IARS1: variants seen among roughly 807,000 people sequenced by gnomAD.
The protein encoded by IARS1 is isoleucyl-tRNA synthetase 1.
In IARS1, 124 loss-of-function variants were observed where a neutral mutation model predicts 168.2. That is an observed-to-expected ratio of 0.74 (90% CI 0.64 to 0.86). The LOEUF is 0.86. Ranked by LOEUF, IARS1 falls within the 40% of genes least tolerant of loss-of-function variation. The pLI is 0.00. For missense variants in IARS1, 1,452 were observed against 1,515.8 expected, an observed-to-expected ratio of 0.96 and a Z score of 0.70; for synonymous variants, 532 against 529.4, an observed-to-expected ratio of 1.00 and a Z score of -0.07.
At chr9:92,236,026 G>C (rs943165199) in intron 30 of IARS1, among the ~76,000 whole-genome samples, 1 of 150,274 alleles carries the variant, frequency 6.7e-6, no homozygotes, top group African/African-American at 2.4e-5. Flanking sequence ...TTGTCGGCCT[G>C]GGCTGGAGTG....
At chr9:92,271,151 T>TA in intron 11 of IARS1, 75 bp from the exon 12 acceptor site, 2 of 802,310 alleles carry the variant, frequency 2.5e-6, no homozygotes, top group South Asian at 4.4e-5. Flanking sequence ...TAGAATCTGA[T>TA]ACCTTGTTAT....
chr9:92,266,396 C>T (rs759762258), intron 14 of IARS1, among the ~76,000 whole-genome samples: 2 of 152,154 alleles, frequency 1.3e-5, no homozygotes, highest in Non-Finnish European at 2.9e-5. Context: ...CATCACAGAC[C>T]TAGATGGGAT....
At chr9:92,267,889 A>G (rs931201390) in intron 14 of IARS1, among the ~76,000 whole-genome samples, 4 of 152,066 alleles carry the variant, frequency 2.6e-5, no homozygotes, top group African/African-American at 9.7e-5. Context: ...CATCGGGGAA[A>G]CACACAAAAA....
intron 12 of IARS1, 44 bp downstream of exon 12, chr9:92,270,941 A>G (rs1832938369): frequency 8.3e-6 from 11 of 1,332,308 alleles, no homozygotes; most frequent in Non-Finnish European, 1.1e-5. Context: ...GTGTAAGCAC[A>G]GACTGGAAGC....
intron 9 of IARS1, among the ~76,000 whole-genome samples, chr9:92,277,626 G>A (rs1235931676): frequency 6.6e-6 from 1 of 151,172 alleles, no homozygotes; most frequent in Admixed American, 6.6e-5. Flanking sequence ...AGTGAGCTGT[G>A]ATTGTGCCAC....
intron 2 of IARS1, among the ~76,000 whole-genome samples, 172 bp downstream of exon 2, chr9:92,289,129 T>G (rs532183954): frequency 4.9e-4 from 71 of 143,770 alleles, no homozygotes; most frequent in Non-Finnish European, 8.1e-4. Context: ...ATCACTTGCA[T>G]CCGGGAGGCA....
intron 33 of IARS1, among the ~76,000 whole-genome samples, chr9:92,212,782 A>G (rs964974263): frequency 6.6e-6 from 1 of 152,208 alleles, no homozygotes; most frequent in African/African-American, 2.4e-5. Context: ...TGATAGAGTG[A>G]AAGACTCATG....
At chr9:92,262,923 C>G (rs1334059735) in intron 17 of IARS1, 46 bp downstream of exon 17, 9 of 1,364,738 alleles carry the variant, frequency 6.6e-6, no homozygotes, top group Admixed American at 5.1e-5. Flanking sequence ...TCTTAAGAAA[C>G]AGTGGAGACA....
At chr9:92,282,973 G>C (rs1425096782) in intron 6 of IARS1, among the ~76,000 whole-genome samples, 2 of 151,284 alleles carry the variant, frequency 1.3e-5, no homozygotes, top group African/African-American at 4.9e-5. Flanking sequence ...TCTTACTTCA[G>C]CCTGTGGAGT....
chr9:92,257,413 T>G (rs1333307305), intron 19 of IARS1, among the ~76,000 whole-genome samples: 1 of 152,198 alleles, frequency 6.6e-6, no homozygotes, highest in East Asian at 1.9e-4. Context: ...TGCTGGTATA[T>G]TCAGATGGGC....
intron 16 of IARS1, among the ~76,000 whole-genome samples, chr9:92,264,634 TAAG>T (rs1171074918): frequency 6.6e-6 from 1 of 152,198 alleles, no homozygotes; most frequent in East Asian, 1.9e-4. Context: ...TGACGTAAGC[TAAG>T]AACACATAAC....
chr9:92,261,455 G>A (rs1483226631), intron 17 of IARS1, among the ~76,000 whole-genome samples: 1 of 152,186 alleles, frequency 6.6e-6, no homozygotes, highest in Admixed American at 6.5e-5. Context: ...AGGCAGGAGG[G>A]GAAGGCAATG....
rs765177636 is a variant in IARS1 at position 92,210,773 on chromosome 9, G to A, written c.*34C>T. The A allele has an allele frequency of 1.2e-4, 156 of 1,316,570 alleles. 2 individuals carry two copies. In the South Asian group the frequency reaches 1.6e-3, roughly 14 times the overall value. The allele number at this position is 1,316,570 out of a possible 1,614,324, so 81.6% of individuals were successfully genotyped here. On this transcript the variant is annotated 3_prime_UTR_variant, in exon 34 of 34. Coordinates refer to ENST00000443024, the MANE Select transcript of IARS1 (RefSeq NM_002161.6). ...TGTGTAGGGGATAGGTGTAATTAGG[G>A]AAGGGCTGACCGAACAACATTGATA...
intron 30 of IARS1, among the ~76,000 whole-genome samples, chr9:92,230,855 A>C (rs1415525557): frequency 6.6e-6 from 1 of 152,208 alleles, no homozygotes; most frequent in Non-Finnish European, 1.5e-5. Context: ...AATGACGTTA[A>C]ATGTTGTCAT....
At chr9:92,224,059 C>G (rs1271336768) in intron 31 of IARS1, among the ~76,000 whole-genome samples, 1 of 152,186 alleles carries the variant, frequency 6.6e-6, no homozygotes, top group Admixed American at 6.5e-5. Context: ...GGGGCACTGG[C>G]TCAGGGAACA....
intron 33 of IARS1, among the ~76,000 whole-genome samples, chr9:92,213,617 T>C (rs1420829057): frequency 6.6e-6 from 1 of 152,210 alleles, no homozygotes; most frequent in Non-Finnish European, 1.5e-5. Context: ...GACTGTGGCC[T>C]TTCTGACACC....
At chr9:92,276,327 C>A (rs1174854646) in intron 9 of IARS1, among the ~76,000 whole-genome samples, 4 of 152,076 alleles carry the variant, frequency 2.6e-5, no homozygotes. Context: ...AAGGGAAGAG[C>A]CAGTTTGACT....
intron 1 of IARS1, among the ~76,000 whole-genome samples, chr9:92,290,345 T>C (rs1344949655): frequency 6.6e-6 from 1 of 152,250 alleles, no homozygotes; most frequent in Non-Finnish European, 1.5e-5. Flanking sequence ...GCCATTTGCG[T>C]ATCCACGTTG....
Position 92,210,785 on chromosome 9 carries a change from G to T in IARS1, c.*22C>A. ...AGGTGTAATTAGGGAAGGGCTGACC[G>T]AACAACATTGATAAGTACATGCTAG... On this transcript the variant is annotated 3_prime_UTR_variant, in exon 34 of 34. Transcript: ENST00000443024. 4 of 1,494,942 alleles carry T rather than the reference G, an allele frequency of 2.7e-6. No homozygotes were observed. Among genetic ancestry groups the T allele is most frequent in the Non-Finnish European group, 3.7e-6 (4 of 1,072,328 alleles). The allele number at this position is 1,494,942 out of a possible 1,614,324, so 92.6% of individuals were successfully genotyped here.
Sources: allele counts gnomAD v4.1 joint callset (sites outside exome capture counted in the v4.1 genomes callset), GRCh38; gene constraint gnomAD v4.1.1; transcripts MANE v1.5; gene names NCBI Gene and HGNC (gene_info 2026-07-23, HGNC 2026-07-21).